The following CSMD1 variants were observed in gnomAD, a reference collection of about 807,000 sequenced individuals.
The protein encoded by CSMD1 is CUB and Sushi multiple domains 1.
CSMD1 carries 213 observed loss-of-function variants against 417.5 expected under a neutral mutation model. That is an observed-to-expected ratio of 0.51 (90% CI 0.46 to 0.57). CSMD1 has a LOEUF of 0.57. Among genes scored for constraint, CSMD1 ranks in the 20% least tolerant of loss-of-function variants. CSMD1 has a pLI of 0.00. For synonymous variants in CSMD1, 2,862 were observed against 1,736.8 expected (o/e 1.65, Z -16.11); for missense variants, 6,923 against 4,529.7 (o/e 1.53, Z -15.17).
intron 7 of CSMD1, among the ~76,000 whole-genome samples, chr8:3,635,467 G>C (rs1008855680): frequency 1.5e-4 from 23 of 150,716 alleles, no homozygotes; most frequent in East Asian, 4.0e-4. Context: ...CTGGGCAATG[G>C]AGCAAGACTC....
At chr8:4,915,388 C>T (rs1010372088) in intron 1 of CSMD1, among the ~76,000 whole-genome samples, 1 of 152,280 alleles carries the variant, frequency 6.6e-6, no homozygotes, top group African/African-American at 2.4e-5. Flanking sequence ...AGATTCTGAT[C>T]CGTATTTTAG....
chr8:4,266,187 G>A (rs1804216111), intron 3 of CSMD1, among the ~76,000 whole-genome samples: 1 of 104,334 alleles, frequency 9.6e-6, no homozygotes, highest in Admixed American at 9.2e-5. Context: ...TATTCACCAA[G>A]TTGGAGGTTT....
intron 3 of CSMD1, among the ~76,000 whole-genome samples, chr8:4,147,314 C>G (rs1388496337): frequency 6.6e-6 from 1 of 152,126 alleles, no homozygotes; most frequent in Non-Finnish European, 1.5e-5. Flanking sequence ...AAGGGGAAGC[C>G]TTCTGTATGC....
intron 50 of CSMD1, 119 bp downstream of exon 50, chr8:3,052,343 C>T: frequency 7.4e-6 from 5 of 671,216 alleles, no homozygotes; most frequent in South Asian, 6.4e-5. Flanking sequence ...TGATGAAAGA[C>T]ACCAAATCCT....
chr8:3,395,455 A>G (rs1434223488), intron 17 of CSMD1, among the ~76,000 whole-genome samples: 3 of 152,180 alleles, frequency 2.0e-5, no homozygotes, highest in Non-Finnish European at 4.4e-5. Flanking sequence ...TTTCAGAAGT[A>G]TATTTGCATA....
chr8:4,062,277 A>G (rs990955428), intron 3 of CSMD1, among the ~76,000 whole-genome samples: 14 of 152,122 alleles, frequency 9.2e-5, no homozygotes, highest in South Asian at 2.1e-4. Context: ...CAATAAAACC[A>G]AAGTTGGCAG....
intron 2 of CSMD1, among the ~76,000 whole-genome samples, chr8:4,476,823 T>G (rs1378064339): frequency 6.6e-6 from 1 of 152,336 alleles, no homozygotes; most frequent in Middle Eastern, 3.4e-3. Flanking sequence ...CCCATCACCG[T>G]ACTTCCCTGG....
chr8:3,796,665 T>C (rs899647897), intron 5 of CSMD1, among the ~76,000 whole-genome samples: 3 of 150,220 alleles, frequency 2.0e-5, no homozygotes, highest in African/African-American at 4.9e-5. Context: ...TCCACCTATA[T>C]ATCTATATGT....
chr8:4,151,515 T>C (rs1210633098), intron 3 of CSMD1, among the ~76,000 whole-genome samples: 10 of 152,224 alleles, frequency 6.6e-5, no homozygotes, highest in Non-Finnish European at 1.3e-4. Flanking sequence ...TGGAAGATTT[T>C]GGTAGTGAAA....
intron 37 of CSMD1, among the ~76,000 whole-genome samples, chr8:3,163,420 A>C (rs1267178991): frequency 5.3e-5 from 8 of 151,750 alleles, no homozygotes; most frequent in Admixed American, 5.2e-4. Flanking sequence ...GAAGGAAAAA[A>C]AAAAAAACAG....
rs544504141 is a variant in CSMD1, at chr8:3,989,007, AT to A, written c.818+8895del. 2.7e-3 allele frequency among the ~76,000 whole-genome samples: 405 copies of A among 152,330 alleles called. 2 individuals carry two copies. Among genetic ancestry groups the A allele is most frequent in the Admixed American group, 5.1e-3 (78 of 15,308 alleles). Reference sequence around the variant, plus strand: ...TTAGAACTAGATACAGGTAAAAACCATTGTTCAAAACACATTCTATTTCAAA... The same window carrying A: ...TTAGAACTAGATACAGGTAAAAACCATGTTCAAAACACATTCTATTTCAAA... On this transcript the variant is annotated intron_variant, in intron 5 of 69. Transcript: ENST00000635120.
At chr8:3,300,271 A>G (rs977769260) in intron 25 of CSMD1, among the ~76,000 whole-genome samples, 1 of 152,166 alleles carries the variant, frequency 6.6e-6, no homozygotes, top group Non-Finnish European at 1.5e-5. Flanking sequence ...TTATGTTTGT[A>G]TTTGCATAGA....
Position 3,409,571 on chromosome 8 carries a change from G to T in CSMD1, c.1596C>A (p.Ile532=). The T allele has an allele frequency of 1.9e-6, 3 of 1,607,738 alleles. No homozygotes were observed. The highest frequency in any genetic ancestry group is 1.1e-5 in the South Asian group (1 of 89,716). ...TGCCCGTCCGCTTCCCATAGGCGGG[G>T]ATTCCAGGATCCCCACACCCTCCCT... ...IEKGGCGDPG[I]PAYGKRTGSS... Residue 532 remains isoleucine (I), a synonymous_variant, in exon 13 of 70, where the codon ATC becomes ATA. Transcript: ENST00000635120.
Position 4,447,313 on chromosome 8 carries a change from C to A in CSMD1, c.303-27248G>T, listed in dbSNP as rs906723715. Among the ~76,000 whole-genome samples the A allele has an allele frequency of 7.9e-5, 12 of 152,230 alleles. No homozygotes were observed. The South Asian group carries it at 2.3e-3, about 29-fold the overall frequency. Reference sequence around the variant, plus strand: ...AGGCAGACCGTGATCATTATTATTACAATGAATTATCAGAATGTGGTCATT... The same window carrying A: ...AGGCAGACCGTGATCATTATTATTAAAATGAATTATCAGAATGTGGTCATT... On this transcript the variant is annotated intron_variant, in intron 2 of 69. Transcript: ENST00000635120.
At chr8:4,814,010 T>C (rs564824652) in intron 1 of CSMD1, among the ~76,000 whole-genome samples, 79 of 152,372 alleles carry the variant, frequency 5.2e-4, no homozygotes, top group African/African-American at 1.8e-3. Flanking sequence ...ATTAACACCC[T>C]TTTTGAGCTT....
intron 5 of CSMD1, among the ~76,000 whole-genome samples, chr8:3,899,142 C>G (rs746525627): frequency 1.6e-4 from 24 of 152,150 alleles, no homozygotes; most frequent in Non-Finnish European, 3.4e-4. Context: ...GTAACAAGGA[C>G]ACAAAGATTG....
intron 2 of CSMD1, among the ~76,000 whole-genome samples, chr8:4,470,971 CT>C (rs1800496498): frequency 6.6e-6 from 1 of 152,086 alleles, no homozygotes; most frequent in Admixed American, 6.5e-5. Flanking sequence ...AATTCAGTGT[CT>C]TTTAAATATA....
intron 1 of CSMD1, among the ~76,000 whole-genome samples, chr8:4,910,491 G>A (rs192414117): frequency 2.0e-5 from 3 of 152,188 alleles, no homozygotes; most frequent in Admixed American, 6.5e-5. Flanking sequence ...CTGGTTTCTA[G>A]AAGGCACCTT....
chr8:3,382,512 T>C (rs1170722893), intron 18 of CSMD1, among the ~76,000 whole-genome samples: 6 of 139,542 alleles, frequency 4.3e-5, no homozygotes, highest in African/African-American at 1.0e-4. Context: ...TAAATTTATA[T>C]ATATATAAAT....
Sources: gnomAD v4.1 joint callset for allele counts (sites outside exome capture counted in the v4.1 genomes callset) on GRCh38, gnomAD v4.1.1 for gene constraint, MANE v1.5 for transcripts, NCBI Gene and HGNC (gene_info 2026-07-23, HGNC 2026-07-21) for gene names.